The following CMSS1 variants were observed in gnomAD, a reference collection of about 807,000 sequenced individuals.
The protein encoded by CMSS1 is cms1 ribosomal small subunit homolog.
CMSS1 carries 33 observed loss-of-function variants against 43.5 expected under a neutral mutation model. The observed-to-expected ratio is 0.76, with a 90% CI of 0.57 to 1.01. The LOEUF is 1.01. Among genes scored for constraint, CMSS1 ranks in the 50% least tolerant of loss-of-function variants. The pLI is 0.00. For missense variants in CMSS1, 313 were observed against 326.4 expected, an observed-to-expected ratio of 0.96 and a Z score of 0.32; for synonymous variants, 115 against 117.2, an observed-to-expected ratio of 0.98 and a Z score of 0.12.
chr3:99,966,448 T>C (rs968219338), intron 1 of CMSS1, among the ~76,000 whole-genome samples: 21 of 152,210 alleles, frequency 1.4e-4, no homozygotes, highest in African/African-American at 5.1e-4. Flanking sequence ...TAGATATAAT[T>C]CAGTCTAGAA....
At chr3:99,828,661 G>T (rs144020940) in intron 1 of CMSS1, among the ~76,000 whole-genome samples, 1 of 143,200 alleles carries the variant, frequency 7.0e-6, no homozygotes, top group East Asian at 2.1e-4. Flanking sequence ...TTGCCAAGTT[G>T]CCCAGACTGG....
At chr3:99,907,096 C>T (rs1321186788) in intron 1 of CMSS1, among the ~76,000 whole-genome samples, 1 of 152,120 alleles carries the variant, frequency 6.6e-6, no homozygotes, top group Non-Finnish European at 1.5e-5. Context: ...ATTTAGACTT[C>T]AACAAATACA....
intron 1 of CMSS1, among the ~76,000 whole-genome samples, chr3:99,918,878 G>A (rs1465156366): frequency 6.6e-6 from 1 of 152,144 alleles, no homozygotes; most frequent in Non-Finnish European, 1.5e-5. Context: ...AGGTCAAATG[G>A]AGATCTGGCA....
intron 2 of CMSS1, among the ~76,000 whole-genome samples, chr3:100,156,299 CTTT>C (rs34413816): frequency 1.1e-4 from 8 of 73,114 alleles, no homozygotes; most frequent in East Asian, 4.2e-4. Context: ...AATTTTTTTT[CTTT>C]TTTTTTTTTT....
chr3:99,932,740 A>T (rs1006735163), intron 1 of CMSS1, among the ~76,000 whole-genome samples: 1 of 152,072 alleles, frequency 6.6e-6, no homozygotes, highest in African/African-American at 2.4e-5. Flanking sequence ...AAATACAAAA[A>T]ATTAGCCAGG....
At chr3:99,901,087 A>C (rs182456532) in intron 1 of CMSS1, among the ~76,000 whole-genome samples, 4 of 152,254 alleles carry the variant, frequency 2.6e-5, no homozygotes, top group Non-Finnish European at 5.9e-5. Flanking sequence ...CCAAAGGATT[A>C]AACTGTATAC....
chr3:99,957,559 T>A (rs1307473876), intron 1 of CMSS1, among the ~76,000 whole-genome samples: 1 of 152,086 alleles, frequency 6.6e-6, no homozygotes, highest in Non-Finnish European at 1.5e-5. Flanking sequence ...ATCACTTCTT[T>A]AATACCGTAA....
chr3:100,015,767 G>T, intron 1 of CMSS1, among the ~76,000 whole-genome samples: 1 of 152,144 alleles, frequency 6.6e-6, no homozygotes, highest in East Asian at 1.9e-4. Flanking sequence ...ACACAGCCTG[G>T]TACACAGAAG....
chr3:100,126,560 A>C (rs1434648981), intron 1 of CMSS1, among the ~76,000 whole-genome samples: 1 of 152,168 alleles, frequency 6.6e-6, no homozygotes, highest in Non-Finnish European at 1.5e-5. Context: ...GATTAATTTC[A>C]GGTCCAATTC....
intron 1 of CMSS1, among the ~76,000 whole-genome samples, chr3:99,978,786 G>A (rs566445408): frequency 6.6e-6 from 1 of 152,240 alleles, no homozygotes; most frequent in South Asian, 2.1e-4. Flanking sequence ...TTGGGTGGCT[G>A]AGGCACGAGA....
At chr3:100,016,446 A>ATT (rs1159115444) in intron 1 of CMSS1, among the ~76,000 whole-genome samples, 1 of 152,074 alleles carries the variant, frequency 6.6e-6, no homozygotes, top group Admixed American at 6.6e-5. Context: ...CCACCTCGGA[A>ATT]AGTGCTGGGA....
intron 4 of CMSS1, among the ~76,000 whole-genome samples, chr3:100,165,006 A>G (rs910821976): frequency 6.6e-6 from 1 of 152,168 alleles, no homozygotes; most frequent in Non-Finnish European, 1.5e-5. Flanking sequence ...CTGCAGTGTG[A>G]TTTAGATTAG....
intron 1 of CMSS1, among the ~76,000 whole-genome samples, chr3:99,926,550 CT>C (rs1429812894): frequency 1.3e-5 from 2 of 152,182 alleles, no homozygotes; most frequent in Non-Finnish European, 2.9e-5. Flanking sequence ...ATCAGCTTTA[CT>C]TTAGGGAAGT....
At chr3:99,841,195 G>T (rs192530292) in intron 1 of CMSS1, among the ~76,000 whole-genome samples, 1 of 152,190 alleles carries the variant, frequency 6.6e-6, no homozygotes, top group African/African-American at 2.4e-5. Context: ...CATAAGGATC[G>T]TTTCCACTCA....
chr3:100,114,787 A>C (rs2066543102), intron 1 of CMSS1: 1 of 535,706 alleles, frequency 1.9e-6, no homozygotes, highest in Non-Finnish European at 3.3e-6. Context: ...TGTACCCTGC[A>C]GCCATGAGCT....
chr3:100,068,352 G>C (rs1189732167), intron 1 of CMSS1, among the ~76,000 whole-genome samples: 1 of 9,174 alleles, frequency 1.1e-4, no homozygotes, highest in African/African-American at 2.2e-4. Context: ...AAGAGCCTCT[G>C]TGTGTGTGTG....
intron 1 of CMSS1, among the ~76,000 whole-genome samples, chr3:99,862,909 C>A (rs1251882722): frequency 6.6e-6 from 1 of 152,192 alleles, no homozygotes; most frequent in South Asian, 2.1e-4. Context: ...GAAATGCCAG[C>A]ATATCAAAAT....
Position 100,179,536 on chromosome 3 carries a change from T to C in CMSS1, c.*1148T>C, listed in dbSNP as rs1229130195. The C allele has an allele frequency of 1.3e-5, 2 of 152,298 alleles. No individual in the cohort carries two copies. 9.4% of individuals were successfully genotyped at this position (152,298 alleles called of 1,614,324 possible). On this transcript the variant is annotated 3_prime_UTR_variant, in exon 10 of 10. Coordinates refer to ENST00000421999, the MANE Select transcript of CMSS1 (RefSeq NM_032359.4). Reference sequence around the variant, plus strand: ...AACCCAGCAGGGCACTCTTTGAATCTTAAAGCTCCAAAATAATCTTTGACT... The same window carrying C: ...AACCCAGCAGGGCACTCTTTGAATCCTAAAGCTCCAAAATAATCTTTGACT...
At position 100,162,562 on chromosome 3, in the gene CMSS1, C is replaced by CT. The variant is rs1281850356; in HGVS notation, c.355+133dup. 14 of 923,068 alleles carry CT rather than the reference C, an allele frequency of 1.5e-5. No individual in the cohort carries two copies. In the South Asian group the frequency reaches 2.6e-4, roughly 17 times the overall value. 57.2% of individuals were successfully genotyped at this position (923,068 alleles called of 1,614,324 possible). A position where few individuals can be genotyped will look rare whatever the true frequency, so the allele number is the denominator to read the frequency against. ...GTGGCTCATGCCTATAATCCCAGCACTTTGGGAGACTGAGGCTAGAGGATC... is the reference window on the plus strand; with the variant it reads ...GTGGCTCATGCCTATAATCCCAGCACTTTTGGGAGACTGAGGCTAGAGGATC... On this transcript the variant is annotated intron_variant, in intron 4 of 9. Transcript: ENST00000421999.
Sources: allele counts gnomAD v4.1 joint callset (sites outside exome capture counted in the v4.1 genomes callset), GRCh38; gene constraint gnomAD v4.1.1; transcripts MANE v1.5; gene names NCBI Gene and HGNC (gene_info 2026-07-23, HGNC 2026-07-21).